Variants in GALNTL6 observed in about 807,000 individuals in gnomAD.
The protein encoded by GALNTL6 is polypeptide N-acetylgalactosaminyltransferase-like 6.
In GALNTL6, 46 loss-of-function variants were observed where a neutral mutation model predicts 73.7. The ratio of observed to expected loss-of-function variants is 0.62; its 90% CI spans 0.49 to 0.80. GALNTL6 has a LOEUF of 0.80. Among genes scored for constraint, GALNTL6 ranks in the 30% least tolerant of loss-of-function variants. The pLI is 0.00. For missense variants in GALNTL6, 604 were observed against 755.0 expected (o/e 0.80, Z 2.34); for synonymous variants, 259 against 263.7 (o/e 0.98, Z 0.17).
At chr4:172,445,485 G>C (rs1731985813) in intron 5 of GALNTL6, among the ~76,000 whole-genome samples, 1 of 152,124 alleles carries the variant, frequency 6.6e-6, no homozygotes, top group Admixed American at 6.6e-5. Context: ...CAGATAGACA[G>C]ACAGACATAC....
chr4:172,033,362 G>T (rs72698946), intron 2 of GALNTL6, among the ~76,000 whole-genome samples: 2,263 of 151,932 alleles, frequency 0.015, 33 homozygotes, highest in East Asian at 0.08. Context: ...AGGGACACTT[G>T]GCTATCAGGC....
At chr4:172,345,762 G>A (rs1191725942) in intron 4 of GALNTL6, among the ~76,000 whole-genome samples, 1 of 152,160 alleles carries the variant, frequency 6.6e-6, no homozygotes, top group Non-Finnish European at 1.5e-5. Context: ...ATCACAGAAT[G>A]TAGAGTGGTG....
chr4:172,989,368 G>A (rs1356138661), intron 10 of GALNTL6, among the ~76,000 whole-genome samples: 2 of 152,234 alleles, frequency 1.3e-5, no homozygotes, highest in Non-Finnish European at 2.9e-5. Flanking sequence ...ATGAACTTTT[G>A]AGTTAATGCT....
intron 2 of GALNTL6, among the ~76,000 whole-genome samples, chr4:172,029,513 A>G: frequency 6.6e-6 from 1 of 152,068 alleles, no homozygotes; most frequent in East Asian, 1.9e-4. Flanking sequence ...TTAAAAGTAG[A>G]ATCACTCCAG....
intron 5 of GALNTL6, among the ~76,000 whole-genome samples, chr4:172,567,497 AT>A (rs1736600076): frequency 2.0e-5 from 3 of 152,192 alleles, no homozygotes; most frequent in Admixed American, 2.0e-4. Flanking sequence ...ACCAGCAAAC[AT>A]ATCTTTTTCT....
intron 2 of GALNTL6, among the ~76,000 whole-genome samples, chr4:172,222,069 G>A (rs1736695394): frequency 6.6e-6 from 1 of 151,664 alleles, no homozygotes; most frequent in Non-Finnish European, 1.5e-5. Context: ...AGGAGAAAAG[G>A]GGATCAACAC....
intron 7 of GALNTL6, 49 bp from the exon 8 acceptor site, chr4:172,882,741 T>C (rs1275358379): frequency 8.5e-7 from 1 of 1,181,404 alleles, no homozygotes; most frequent in South Asian, 1.2e-5. Flanking sequence ...AAAATGCCAT[T>C]GTCTGTAACG....
intron 5 of GALNTL6, among the ~76,000 whole-genome samples, chr4:172,655,679 T>G (rs1024437881): frequency 1.3e-5 from 2 of 152,228 alleles, no homozygotes; most frequent in Non-Finnish European, 2.9e-5. Flanking sequence ...TGTCAAATTT[T>G]CTACATTATA....
intron 7 of GALNTL6, among the ~76,000 whole-genome samples, chr4:172,855,889 G>T (rs1037400685): frequency 6.6e-6 from 1 of 152,112 alleles, no homozygotes; most frequent in African/African-American, 2.4e-5. Flanking sequence ...TGCAGCAAAC[G>T]TCCCACTGTC....
chr4:172,582,601 A>G (rs1235905570), intron 5 of GALNTL6, among the ~76,000 whole-genome samples: 2 of 152,172 alleles, frequency 1.3e-5, no homozygotes, highest in African/African-American at 4.8e-5. Context: ...CACTAAAAAC[A>G]TTGCCTGCTT....
chr4:172,398,841 C>T (rs1052395345), intron 5 of GALNTL6, among the ~76,000 whole-genome samples: 4 of 151,484 alleles, frequency 2.6e-5, no homozygotes, highest in Non-Finnish European at 5.9e-5. Context: ...TCAATACTGC[C>T]CTGCCCTTGC....
chr4:171,845,184 T>C (rs1344654033), intron 2 of GALNTL6, among the ~76,000 whole-genome samples: 2 of 152,150 alleles, frequency 1.3e-5, no homozygotes, highest in African/African-American at 2.4e-5. Context: ...TTCTTAACTG[T>C]TTTGATTTTT....
chr4:171,867,473 CCT>C (rs1272730460), intron 2 of GALNTL6, among the ~76,000 whole-genome samples: 1 of 152,180 alleles, frequency 6.6e-6, no homozygotes, highest in African/African-American at 2.4e-5. Flanking sequence ...CTTCCAATGT[CCT>C]TCTAGTCACA....
intron 2 of GALNTL6, among the ~76,000 whole-genome samples, chr4:171,883,867 T>G (rs896718067): frequency 3.3e-5 from 5 of 152,024 alleles, no homozygotes; most frequent in African/African-American, 1.2e-4. Context: ...CAGGGTGGTC[T>G]CAATCTCCTA....
chr4:172,395,609 G>A (rs1335986102), intron 5 of GALNTL6, among the ~76,000 whole-genome samples: 1 of 152,010 alleles, frequency 6.6e-6, no homozygotes, highest in African/African-American at 2.4e-5. Flanking sequence ...GACCTTTGAC[G>A]AAAGGATTGA....
At chr4:172,175,022 T>C (rs1387620746) in intron 2 of GALNTL6, among the ~76,000 whole-genome samples, 1 of 151,968 alleles carries the variant, frequency 6.6e-6, no homozygotes, top group African/African-American at 2.4e-5. Context: ...GCATATACCC[T>C]AAGAGAGTGC....
At chr4:172,197,814 A>G (rs1357047899) in intron 2 of GALNTL6, among the ~76,000 whole-genome samples, 1 of 152,116 alleles carries the variant, frequency 6.6e-6, no homozygotes, top group Non-Finnish European at 1.5e-5. Context: ...ACTCAAATAT[A>G]AAACCCAAAA....
intron 4 of GALNTL6, among the ~76,000 whole-genome samples, chr4:172,321,019 GGA>G (rs1561024951): frequency 6.6e-6 from 1 of 152,154 alleles, no homozygotes; most frequent in Non-Finnish European, 1.5e-5. Context: ...TAAAATATTT[GGA>G]GAGAGAGTGA....
At chr4:172,249,290 A>G (rs6827796) in intron 3 of GALNTL6, among the ~76,000 whole-genome samples, 2,172 of 152,292 alleles carry the variant, frequency 0.014, 57 homozygotes, top group African/African-American at 0.05. Context: ...GAGATCTATG[A>G]AACTTTGAAC....
Sources: allele counts gnomAD v4.1 joint callset (sites outside exome capture counted in the v4.1 genomes callset), GRCh38; gene constraint gnomAD v4.1.1; transcripts MANE v1.5; gene names NCBI Gene and HGNC (gene_info 2026-07-23, HGNC 2026-07-21).